SLC28A1: variants seen among roughly 807,000 people sequenced by gnomAD.
SLC28A1 encodes the protein solute carrier family 28 member 1.
In SLC28A1, 64 loss-of-function variants were observed where a neutral mutation model predicts 74.8. The ratio of observed to expected loss-of-function variants is 0.86; its 90% CI spans 0.70 to 1.05. SLC28A1 has a LOEUF of 1.05. Among genes scored for constraint, SLC28A1 ranks in the 50% least tolerant of loss-of-function variants. The probability of loss-of-function intolerance (pLI) is 0.00; values close to 1 mark genes in which losing one functional copy is unlikely to be tolerated. For synonymous variants in SLC28A1, 359 were observed against 335.0 expected, an observed-to-expected ratio of 1.07 and a Z score of -0.78; for missense variants, 828 against 822.8, an observed-to-expected ratio of 1.01 and a Z score of -0.08.
At chr15:84,908,916 G>T in intron 9 of SLC28A1, 121 bp downstream of exon 9, 1 of 806,900 alleles carries the variant, frequency 1.2e-6, no homozygotes, top group East Asian at 2.5e-5. Context: ...GGCAGAGGTC[G>T]CCGTACTGGG....
At chr15:84,912,075 G>A (rs1054523687) in intron 9 of SLC28A1, among the ~76,000 whole-genome samples, 5 of 152,170 alleles carry the variant, frequency 3.3e-5, no homozygotes, top group African/African-American at 1.2e-4. Context: ...ATTGGCTGAT[G>A]CACCATCCAT....
intron 3 of SLC28A1, 57 bp downstream of exon 3, chr15:84,887,913 G>A (rs12442557): frequency 0.2 from 262,063 of 1,289,002 alleles, 28,445 homozygotes; most frequent in Middle Eastern, 0.25. Flanking sequence ...GCTTGAGCCC[G>A]GCTGCCGAGG....
Position 84,888,848 on chromosome 15 carries a change from C to T in SLC28A1, c.173C>T (p.Pro58Leu). The T allele has an allele frequency of 6.4e-7, 1 of 1,551,928 alleles. No individual in the cohort carries two copies. Among genetic ancestry groups the T allele is most frequent in the Non-Finnish European group, 8.7e-7 (1 of 1,147,024 alleles). Residue 58 changes from proline (P) to leucine (L), a missense_variant, in exon 4 of 19, where the codon CCC becomes CTC. By Grantham distance (98) the Pro-to-Leu change is moderately conservative (BLOSUM62 -3). Transcript: ENST00000394573. ...RSSWSEAAPK[P>L]FSRWRNLQPA... The stretch of plus-strand genomic sequence containing the variant: ...AGCTGGAGCGAGGCGGCGCCGAAGC[C>T]CTTCTCCAGATGGTAGGTGATCTCT...
chr15:84,957,259 G>GTTTGTTTTGT, the SLC28A1 span, among the ~76,000 whole-genome samples: 1 of 151,896 alleles, frequency 6.6e-6, no homozygotes, highest in East Asian at 1.9e-4. Context: ...TTTTTTGTTT[G>GTTTGTTTTGT]TTTGTTTTGT....
At chr15:84,964,354 T>C in the SLC28A1 span, among the ~76,000 whole-genome samples, 9 of 152,006 alleles carry the variant, frequency 5.9e-5, no homozygotes, top group Admixed American at 5.2e-4. Flanking sequence ...TGAAGGAAGA[T>C]TGCCCACTCC....
At chr15:84,886,455 T>C (rs1467554715) in intron 1 of SLC28A1, 11 of 985,192 alleles carry the variant, frequency 1.1e-5, no homozygotes, top group Non-Finnish European at 8.4e-6. Context: ...AGAGGTCAGT[T>C]TGGGAACTGG....
At chr15:84,899,856 G>T (rs1034726603) in intron 6 of SLC28A1, among the ~76,000 whole-genome samples, 2 of 151,618 alleles carry the variant, frequency 1.3e-5, no homozygotes, top group African/African-American at 4.9e-5. Flanking sequence ...TCGCGCCACT[G>T]ACTGCTGCCT....
intron 15 of SLC28A1, among the ~76,000 whole-genome samples, chr15:84,937,402 T>A (rs1972060418): frequency 6.6e-6 from 1 of 152,244 alleles, no homozygotes; most frequent in African/African-American, 2.4e-5. Flanking sequence ...CAGCTGTGCC[T>A]GCGAGCATTT....
chr15:84,937,321 G>A lies in SLC28A1; in HGVS notation c.1581+1803G>A, dbSNP rs1330967313. On this transcript the variant is annotated intron_variant, in intron 15 of 18. Coordinates refer to ENST00000394573, the MANE Select transcript of SLC28A1 (RefSeq NM_004213.5). Reference sequence around the variant, plus strand: ...CTTCCTCTCAGATCATTTCTGCAGCGTTCCCAGGTGTGGGCTGACTGACTC... The same window carrying A: ...CTTCCTCTCAGATCATTTCTGCAGCATTCCCAGGTGTGGGCTGACTGACTC... Among the ~76,000 whole-genome samples, 6 of 151,976 alleles carry A rather than the reference G, an allele frequency of 3.9e-5. No homozygotes were observed. In the East Asian group the frequency reaches 5.8e-4, roughly 15 times the overall value.
intron 15 of SLC28A1, chr15:84,939,467 G>C (rs766474006): frequency 2.0e-5 from 3 of 152,072 alleles, no homozygotes; most frequent in African/African-American, 7.2e-5. Flanking sequence ...AGAGATGCAG[G>C]TACCTTCATA....
chr15:84,935,020 C>G lies in SLC28A1; in HGVS notation c.1215-6C>G, dbSNP rs749532243. 26 of 1,613,716 alleles carry G rather than the reference C, an allele frequency of 1.6e-5. No homozygotes were observed. In the South Asian group the frequency reaches 2.4e-4, roughly 15 times the overall value. ...CAGTAATGATCATTCTTGATCCCAA[C>G]AACAGAGATGCTCAGAACCTCATAG... On this transcript the variant is annotated splice_polypyrimidine_tract_variant and splice_region_variant and intron_variant, in intron 13 of 18. Coordinates refer to ENST00000394573, the MANE Select transcript of SLC28A1 (RefSeq NM_004213.5).
At chr15:84,908,459 C>G (rs1967598139) in intron 8 of SLC28A1, among the ~76,000 whole-genome samples, 1 of 152,148 alleles carries the variant, frequency 6.6e-6, no homozygotes, top group South Asian at 2.1e-4. Context: ...GCTGAGATTA[C>G]AGGTGTGAGC....
At position 84,905,672 on chromosome 15, in the gene SLC28A1, C is replaced by G. The variant is rs754493319; in HGVS notation, c.717+20C>G. 3.2e-6 allele frequency: 5 copies of G among 1,542,730 alleles called. No individual in the cohort carries two copies. The highest frequency in any genetic ancestry group is 1.1e-5 in the South Asian group (1 of 89,256). ...ATCCGGGTAGGTATGTGGGGTCTGG[C>G]TGCCCAGAGCATCTTAGATTACTGG... On this transcript the variant is annotated intron_variant, in intron 8 of 18. Coordinates refer to ENST00000394573, the MANE Select transcript of SLC28A1 (RefSeq NM_004213.5).
chr15:84,901,699 G>A (rs4248927), intron 6 of SLC28A1, among the ~76,000 whole-genome samples: 145,147 of 152,324 alleles, frequency 0.95, 69,229 homozygotes, highest in Middle Eastern at 0.98. Context: ...GTAGAATTCA[G>A]AAGACTAACC....
chr15:84,961,675 A>G, the SLC28A1 span: 18 of 337,824 alleles, frequency 5.3e-5, no homozygotes, highest in South Asian at 3.8e-4. Flanking sequence ...AGACACTAAG[A>G]TTCCGAGACT....
chr15:84,959,880 C>T, the SLC28A1 span, among the ~76,000 whole-genome samples: 8 of 152,070 alleles, frequency 5.3e-5, no homozygotes, highest in African/African-American at 1.2e-4. Flanking sequence ...TACGTTCATA[C>T]GTAACAATGA....
chr15:84,972,665 C>T, the SLC28A1 span, among the ~76,000 whole-genome samples: 3 of 152,174 alleles, frequency 2.0e-5, no homozygotes, highest in Non-Finnish European at 2.9e-5. Context: ...CTAGGGGTAG[C>T]CAGGGCTTTC....
rs375100865 is a variant in SLC28A1, at chr15:84,896,089, G to A, written c.461+966G>A. On this transcript the variant is annotated intron_variant, in intron 6 of 18. Transcript: ENST00000394573. The stretch of plus-strand genomic sequence containing the variant: ...TCATTGATAATGGTTTTCCGCTTGA[G>A]GGACTGATAGGAAGTTTCCTTTAAA... 83 of 395,902 alleles carry A rather than the reference G, an allele frequency of 2.1e-4. No individual in the cohort carries two copies. In the East Asian group the frequency reaches 6.4e-3, roughly 31 times the overall value. The allele number at this position is 395,902 out of a possible 1,614,324, so 24.5% of individuals were successfully genotyped here. A position where few individuals can be genotyped will look rare whatever the true frequency, so the allele number is the denominator to read the frequency against.
At chr15:84,924,139 A>G (rs1285090454) in intron 12 of SLC28A1, 29 bp downstream of exon 12, 4 of 1,606,800 alleles carry the variant, frequency 2.5e-6, no homozygotes, top group East Asian at 2.2e-5. Flanking sequence ...CTGCTTGGCT[A>G]TGTTGAGGAC....
Sources: gnomAD v4.1 joint callset for allele counts (sites outside exome capture counted in the v4.1 genomes callset) on GRCh38, gnomAD v4.1.1 for gene constraint, MANE v1.5 for transcripts, NCBI Gene and HGNC (gene_info 2026-07-23, HGNC 2026-07-21) for gene names.